ROBO1: variants seen among roughly 807,000 people sequenced by gnomAD.
The protein encoded by ROBO1 is roundabout homolog 1.
A neutral mutation model predicts 195.9 loss-of-function variants in ROBO1; 149 were observed. The ratio of observed to expected loss-of-function variants is 0.76; its 90% CI spans 0.67 to 0.87. ROBO1 has a LOEUF of 0.87. Ranked by LOEUF, ROBO1 falls within the 40% of genes least tolerant of loss-of-function variation. ROBO1 has a pLI of 0.00. For missense variants in ROBO1, 1,933 were observed against 2,068.3 expected, an observed-to-expected ratio of 0.93 and a Z score of 1.27; for synonymous variants, 816 against 733.2, an observed-to-expected ratio of 1.11 and a Z score of -1.82.
Position 79,125,507 on chromosome 3 carries a change from C to G in ROBO1, c.121G>C (p.Gly41Arg), listed in dbSNP as rs200733765. ...PEDVERGNDH[G>R]TPIPTSDNDD... ...TTATCAGAGGTGGGGATTGGCGTCC[C>G]GTGGTCGTTCCCCCTCTCTACATCT... The change falls in exon 3 of 31, where the codon GGG (glycine) becomes CGG (arginine). Residue 41 changes from glycine (G) to arginine (R), a missense_variant. Gly to Arg is a moderately radical substitution (Grantham distance 125). Coordinates refer to ENST00000464233, the MANE Select transcript of ROBO1 (RefSeq NM_002941.4). The G allele has an allele frequency of 2.1e-4, 346 of 1,613,598 alleles. 1 individual carries two copies. Among genetic ancestry groups the G allele is most frequent in the South Asian group, 4.1e-4 (37 of 91,016 alleles).
intron 4 of ROBO1, among the ~76,000 whole-genome samples, chr3:78,756,398 G>A (rs553518845): frequency 6.6e-6 from 1 of 152,160 alleles, no homozygotes; most frequent in East Asian, 1.9e-4. Flanking sequence ...ACATATTAAA[G>A]AATATTCTAC....
chr3:78,933,711 T>C (rs569386476), intron 4 of ROBO1, among the ~76,000 whole-genome samples: 6 of 152,130 alleles, frequency 3.9e-5, no homozygotes, highest in African/African-American at 9.6e-5. Flanking sequence ...ATAAACATAA[T>C]CATGTCATGA....
intron 3 of ROBO1, among the ~76,000 whole-genome samples, chr3:78,984,496 C>T (rs1302622297): frequency 3.3e-5 from 5 of 152,078 alleles, no homozygotes; most frequent in Admixed American, 3.3e-4. Context: ...AATACTTACA[C>T]TGGGAAAATA....
chr3:79,732,368 CTTTG>C (rs10535639), intron 1 of ROBO1, among the ~76,000 whole-genome samples: 27,680 of 151,622 alleles, frequency 0.18, 2,592 homozygotes, highest in East Asian at 0.26. Flanking sequence ...TATTAATATA[CTTTG>C]TTTAAAATTA....
At chr3:78,818,987 C>A (rs1232772584) in intron 4 of ROBO1, among the ~76,000 whole-genome samples, 1 of 152,106 alleles carries the variant, frequency 6.6e-6, no homozygotes, top group Non-Finnish European at 1.5e-5. Context: ...TAAATTTCAT[C>A]ATGAAGGTGT....
At chr3:79,012,317 C>G (rs2077801254) in intron 3 of ROBO1, among the ~76,000 whole-genome samples, 1 of 152,178 alleles carries the variant, frequency 6.6e-6, no homozygotes, top group African/African-American at 2.4e-5. Flanking sequence ...CCACACTGCT[C>G]TGTTGACATT....
rs1267313844 is a variant in ROBO1 at position 78,677,766 on chromosome 3, A to G, written c.1343-7465T>C. On this transcript the variant is annotated intron_variant, in intron 10 of 30. Coordinates refer to ENST00000464233, the MANE Select transcript of ROBO1 (RefSeq NM_002941.4). ...CACTGTCAACATTAGACAGATCGAC[A>G]AGACAGAAAGTTAACAAGCATACCC... 7.9e-5 allele frequency among the ~76,000 whole-genome samples: 12 copies of G among 152,184 alleles called. No individual in the cohort carries two copies. The East Asian group carries it at 2.1e-3, about 27-fold the overall frequency.
At chr3:79,067,143 ACT>A (rs1322592218) in intron 3 of ROBO1, among the ~76,000 whole-genome samples, 3 of 152,024 alleles carry the variant, frequency 2.0e-5, no homozygotes, top group South Asian at 2.1e-4. Context: ...ATGCTCTGTG[ACT>A]CTCTGAAGTT....
At chr3:79,068,571 G>T (rs558860150) in intron 3 of ROBO1, among the ~76,000 whole-genome samples, 652 of 151,066 alleles carry the variant, frequency 4.3e-3, no homozygotes, top group Non-Finnish European at 7.0e-3. Context: ...CAATCTATTT[G>T]GTGACCTTAA....
intron 4 of ROBO1, among the ~76,000 whole-genome samples, chr3:78,827,728 T>TGGC (rs2031758579): frequency 6.6e-6 from 1 of 152,194 alleles, no homozygotes. Context: ...TGTGCTAATG[T>TGGC]GGCGGCTCAT....
At position 79,293,175 on chromosome 3, in the gene ROBO1, T is replaced by C. The variant is rs943560049; in HGVS notation, c.89-167636A>G. On this transcript the variant is annotated intron_variant, in intron 2 of 30. Coordinates refer to ENST00000464233, the MANE Select transcript of ROBO1 (RefSeq NM_002941.4). Reference sequence around the variant, plus strand: ...CAGTTTATTTGCATAGAGGTGTTCATAGTATTCTCTGATGGTAAGTAGTTT... The same window carrying C: ...CAGTTTATTTGCATAGAGGTGTTCACAGTATTCTCTGATGGTAAGTAGTTT... 4.6e-5 allele frequency among the ~76,000 whole-genome samples: 7 copies of C among 152,324 alleles called. No individual in the cohort carries two copies. In the East Asian group the frequency reaches 1.4e-3, roughly 29 times the overall value.
intron 2 of ROBO1, among the ~76,000 whole-genome samples, chr3:79,348,784 A>G (rs934344262): frequency 6.6e-6 from 1 of 152,208 alleles, no homozygotes; most frequent in African/African-American, 2.4e-5. Context: ...TTTTGTATGC[A>G]TAGGCAAAGG....
chr3:79,201,304 C>T (rs985277425), intron 2 of ROBO1, among the ~76,000 whole-genome samples: 4 of 151,990 alleles, frequency 2.6e-5, no homozygotes, highest in African/African-American at 9.7e-5. Flanking sequence ...TATCATTTGA[C>T]ACTGTCACCT....
At chr3:78,659,597 T>G in intron 17 of ROBO1, 89 bp downstream of exon 17, 7 of 1,025,464 alleles carry the variant, frequency 6.8e-6, no homozygotes, top group Non-Finnish European at 9.0e-6. Flanking sequence ...GCGCCAAATA[T>G]CCATAAACAA....
At chr3:78,618,314 G>A (rs1575784452) in intron 26 of ROBO1, among the ~76,000 whole-genome samples, 1 of 151,998 alleles carries the variant, frequency 6.6e-6, no homozygotes, top group East Asian at 1.9e-4. Flanking sequence ...TTATCATTTG[G>A]ATTATGTTTC....
intron 2 of ROBO1, among the ~76,000 whole-genome samples, chr3:79,510,215 T>C (rs1428307845): frequency 6.6e-6 from 1 of 152,148 alleles, no homozygotes; most frequent in African/African-American, 2.4e-5. Flanking sequence ...TAGGAGGTAA[T>C]TGAATCATGG....
Position 79,496,212 on chromosome 3 carries a change from CAAAAAA to C in ROBO1, c.88+93606_88+93611del, listed in dbSNP as rs751339145. Among the ~76,000 whole-genome samples the C allele has an allele frequency of 9.8e-3, 549 of 56,296 alleles. 5 individuals carry two copies. Among genetic ancestry groups the C allele is most frequent in the African/African-American group, 0.029 (478 of 16,254 alleles). 36.9% of individuals were successfully genotyped at this position (56,296 alleles called of 152,430 possible). A position where few individuals can be genotyped will look rare whatever the true frequency, so the allele number is the denominator to read the frequency against. On this transcript the variant is annotated intron_variant, in intron 2 of 30. Transcript: ENST00000464233. ...TAGGTGACAGAGCAAGACTCTGTCT[CAAAAAA>C]AAAAAAAAAAAAAAAAGACTCGTAA...
At chr3:79,140,397 C>G (rs2080500226) in intron 2 of ROBO1, among the ~76,000 whole-genome samples, 1 of 152,036 alleles carries the variant, frequency 6.6e-6, no homozygotes, top group Non-Finnish European at 1.5e-5. Context: ...CTAGCTAACC[C>G]TGTGACTTTG....
At chr3:78,680,397 C>A (rs1464516925) in intron 10 of ROBO1, among the ~76,000 whole-genome samples, 1 of 151,998 alleles carries the variant, frequency 6.6e-6, no homozygotes, top group Admixed American at 6.5e-5. Context: ...GAACAGGCAA[C>A]CTACAAAATG....
Sources: gnomAD v4.1 joint callset for allele counts (sites outside exome capture counted in the v4.1 genomes callset) on GRCh38, gnomAD v4.1.1 for gene constraint, MANE v1.5 for transcripts, NCBI Gene and HGNC (gene_info 2026-07-23, HGNC 2026-07-21) for gene names.